SNX30: variants seen among roughly 807,000 people sequenced by gnomAD.
The protein encoded by SNX30 is sorting nexin-30.
Under a neutral mutation model 46.4 loss-of-function variants are expected in SNX30, and 24 were observed. The ratio of observed to expected loss-of-function variants is 0.52; its 90% CI spans 0.37 to 0.73. The LOEUF (loss-of-function observed/expected upper bound fraction) is 0.73, where lower values mean the gene tolerates loss of function less well. Among genes scored for constraint, SNX30 ranks in the 30% least tolerant of loss-of-function variants. The probability of loss-of-function intolerance (pLI) is 0.00; values close to 1 mark genes in which losing one functional copy is unlikely to be tolerated. For synonymous variants in SNX30, 189 were observed against 211.5 expected, an observed-to-expected ratio of 0.89 and a Z score of 0.92; for missense variants, 533 against 555.7, an observed-to-expected ratio of 0.96 and a Z score of 0.41.
At chr9:112,863,266 C>A (rs986760854) in intron 7 of SNX30, among the ~76,000 whole-genome samples, 1 of 152,212 alleles carries the variant, frequency 6.6e-6, no homozygotes, top group African/African-American at 2.4e-5. Context: ...GGTTCATGGG[C>A]CCCAGCACAC....
intron 4 of SNX30, among the ~76,000 whole-genome samples, chr9:112,832,722 C>G (rs1840685693): frequency 6.7e-6 from 1 of 148,930 alleles, no homozygotes; most frequent in Non-Finnish European, 1.5e-5. Context: ...CACATGTATA[C>G]ACATGTAACA....
At chr9:112,757,744 C>A (rs1332947061) in intron 1 of SNX30, among the ~76,000 whole-genome samples, 1 of 152,148 alleles carries the variant, frequency 6.6e-6, no homozygotes, top group Non-Finnish European at 1.5e-5. Flanking sequence ...TCTTGGATTC[C>A]CCTACCTCCT....
chr9:112,843,840 C>G (rs906838669), intron 6 of SNX30, among the ~76,000 whole-genome samples: 1 of 152,086 alleles, frequency 6.6e-6, no homozygotes, highest in Non-Finnish European at 1.5e-5. Context: ...GTCTCGAACT[C>G]CTGACCTCAT....
At chr9:112,843,848 C>G (rs1054628695) in intron 6 of SNX30, among the ~76,000 whole-genome samples, 4 of 152,156 alleles carry the variant, frequency 2.6e-5, no homozygotes, top group Non-Finnish European at 5.9e-5. Context: ...CTCCTGACCT[C>G]ATGATCCACC....
At chr9:112,807,030 T>G (rs886319603) in intron 2 of SNX30, among the ~76,000 whole-genome samples, 1 of 150,666 alleles carries the variant, frequency 6.6e-6, no homozygotes, top group Non-Finnish European at 1.5e-5. Flanking sequence ...TTGATGTTAC[T>G]ACTCTGTCTT....
At chr9:112,811,279 G>A (rs754676173) in intron 2 of SNX30, among the ~76,000 whole-genome samples, 1 of 152,188 alleles carries the variant, frequency 6.6e-6, no homozygotes, top group Non-Finnish European at 1.5e-5. Flanking sequence ...GTTGGGAGAT[G>A]GGGGTTGCCT....
At chr9:112,777,600 A>ATTTTTTTTT (rs55784760) in intron 1 of SNX30, among the ~76,000 whole-genome samples, 5 of 75,598 alleles carry the variant, frequency 6.6e-5, no homozygotes, top group African/African-American at 2.2e-4. Flanking sequence ...CTAGTTTTTA[A>ATTTTTTTTT]TTTTTTTTTT....
At chr9:112,843,709 G>A (rs1295807711) in intron 6 of SNX30, among the ~76,000 whole-genome samples, 1 of 133,556 alleles carries the variant, frequency 7.5e-6, no homozygotes, top group Non-Finnish European at 1.5e-5. Flanking sequence ...TCCACTTCCC[G>A]CTTCAAGCGA....
Position 112,850,843 on chromosome 9 carries a change from C to T in SNX30, c.1015-16C>T. On this transcript the variant is annotated splice_polypyrimidine_tract_variant and intron_variant, in intron 6 of 8. Coordinates refer to ENST00000374232, the MANE Select transcript of SNX30 (RefSeq NM_001012994.2). ...TGGACTCAGTGTTACATGCTTCTCT[C>T]CTCTGCCTCCCACAGAGTGTATTGA... 6.2e-7 allele frequency: 1 copy of T among 1,605,144 alleles called. No individual in the cohort carries two copies. The highest frequency in any genetic ancestry group is 8.5e-7 in the Non-Finnish European group (1 of 1,172,642).
At chr9:112,779,161 C>G (rs1336559932) in intron 1 of SNX30, among the ~76,000 whole-genome samples, 1 of 152,212 alleles carries the variant, frequency 6.6e-6, no homozygotes, top group Non-Finnish European at 1.5e-5. Context: ...TTCTCTTCAT[C>G]TGTGGCCTTG....
At chr9:112,850,214 G>A (rs1564290980) in intron 6 of SNX30, among the ~76,000 whole-genome samples, 1 of 152,212 alleles carries the variant, frequency 6.6e-6, no homozygotes, top group Non-Finnish European at 1.5e-5. Flanking sequence ...CTGGTGGGCT[G>A]GCTGCATGGT....
intron 4 of SNX30, among the ~76,000 whole-genome samples, chr9:112,832,493 TGTGA>T (rs1346966287): frequency 2.9e-5 from 4 of 135,646 alleles, no homozygotes; most frequent in Non-Finnish European, 4.6e-5. Context: ...TGTGTGTGTG[TGTGA>T]GAGAGAGAGA....
intron 1 of SNX30, among the ~76,000 whole-genome samples, chr9:112,777,491 G>C (rs1839765500): frequency 6.6e-6 from 1 of 151,702 alleles, no homozygotes; most frequent in Non-Finnish European, 1.5e-5. Flanking sequence ...CAGTGGTGCA[G>C]TCATGGCTCA....
intron 6 of SNX30, among the ~76,000 whole-genome samples, chr9:112,844,154 A>G (rs948467637): frequency 1.3e-5 from 2 of 152,118 alleles, no homozygotes; most frequent in East Asian, 1.9e-4. Context: ...TTTGGGGTAT[A>G]TTTTGGATGA....
chr9:112,760,759 C>T (rs531296916), intron 1 of SNX30, among the ~76,000 whole-genome samples: 10 of 152,282 alleles, frequency 6.6e-5, no homozygotes, highest in Admixed American at 3.9e-4. Context: ...AATACCGTGA[C>T]CTTAAAATAT....
chr9:112,884,827 G>A (rs1841623977), downstream of SNX30, among the ~76,000 whole-genome samples: 1 of 152,068 alleles, frequency 6.6e-6, no homozygotes, highest in Non-Finnish European at 1.5e-5. Flanking sequence ...TTGATTTTTG[G>A]GTTTTGTTTA....
At chr9:112,843,645 T>A (rs934402224) in intron 6 of SNX30, among the ~76,000 whole-genome samples, 1 of 150,128 alleles carries the variant, frequency 6.7e-6, no homozygotes, top group Non-Finnish European at 1.5e-5. Context: ...TTTTTTTTTT[T>A]AGACAGAGTC....
chr9:112,785,916 C>T (rs560902719), intron 1 of SNX30, among the ~76,000 whole-genome samples: 1 of 152,288 alleles, frequency 6.6e-6, no homozygotes, highest in East Asian at 1.9e-4. Flanking sequence ...GCACCCTTTT[C>T]AACAATAACC....
intron 1 of SNX30, among the ~76,000 whole-genome samples, chr9:112,768,730 C>G (rs780913108): frequency 4.2e-5 from 6 of 141,614 alleles, no homozygotes; most frequent in Non-Finnish European, 9.0e-5. Flanking sequence ...GATCTTGGCT[C>G]GCTGCAGCCT....
Sources: gnomAD v4.1 joint callset for allele counts (sites outside exome capture counted in the v4.1 genomes callset) on GRCh38, gnomAD v4.1.1 for gene constraint, MANE v1.5 for transcripts, NCBI Gene and HGNC (gene_info 2026-07-23, HGNC 2026-07-21) for gene names.